The following FTCDNL1 variants were observed in gnomAD, a reference collection of about 807,000 sequenced individuals.
The protein encoded by FTCDNL1 is formiminotransferase N-terminal subdomain-containing protein.
A neutral mutation model predicts 5.9 loss-of-function variants in FTCDNL1; 11 were observed. That is an observed-to-expected ratio of 1.87 (90% CI 1.18 to 3.10). The LOEUF is 3.10. Among genes scored for constraint, FTCDNL1 ranks in the 30% most tolerant of loss-of-function variants. FTCDNL1 has a pLI of 0.00. For synonymous variants in FTCDNL1, 58 were observed against 24.8 expected (o/e 2.34, Z -3.99); for missense variants, 115 against 65.5 (o/e 1.76, Z -2.61).
At chr2:199,801,989 T>C (rs1478107549) in intron 3 of FTCDNL1, among the ~76,000 whole-genome samples, 1 of 150,228 alleles carries the variant, frequency 6.7e-6, no homozygotes, top group Non-Finnish European at 1.5e-5. Context: ...TTCCTGACAG[T>C]AACAGCAGAA....
At position 199,851,036 on chromosome 2, in the gene FTCDNL1, G is replaced by C. The variant is rs1281969490; in HGVS notation, c.-304C>G. The stretch of plus-strand genomic sequence containing the variant: ...CGGCCGAGCTCTCGAACCAGCGGCC[G>C]CGCCTGCCGCTCTGCGGTTTGGGAG... On this transcript the variant is annotated 5_prime_UTR_variant, in exon 1 of 5. Transcript: ENST00000420128. 6.6e-6 allele frequency: 1 copy of C among 151,332 alleles called. No homozygotes were observed. Among genetic ancestry groups the C allele is most frequent in the East Asian group, 1.9e-4 (1 of 5,146 alleles). 9.4% of individuals were successfully genotyped at this position (151,332 alleles called of 1,614,324 possible).
chr2:199,740,174 AT>A, the FTCDNL1 span, among the ~76,000 whole-genome samples: 1 of 152,246 alleles, frequency 6.6e-6, no homozygotes, highest in Non-Finnish European at 1.5e-5. Flanking sequence ...AACTCGGTTC[AT>A]TTTATGACTG....
chr2:199,753,026 T>A, the FTCDNL1 span, among the ~76,000 whole-genome samples: 1 of 152,074 alleles, frequency 6.6e-6, no homozygotes, highest in South Asian at 2.1e-4. Context: ...GAGACTTTCA[T>A]CCTCCAGCAG....
chr2:199,808,107 T>TA (rs1434472703), downstream of FTCDNL1, among the ~76,000 whole-genome samples: 1 of 152,170 alleles, frequency 6.6e-6, no homozygotes, highest in African/African-American at 2.4e-5. Context: ...CCATGTGACA[T>TA]AACTGCTCCC....
chr2:199,695,999 C>T, the FTCDNL1 span, among the ~76,000 whole-genome samples: 2 of 152,226 alleles, frequency 1.3e-5, no homozygotes, highest in Admixed American at 1.3e-4. Flanking sequence ...CTGCTTACAA[C>T]ACAGCCTCAG....
At chr2:199,802,587 T>C (rs1700512030) in intron 3 of FTCDNL1, among the ~76,000 whole-genome samples, 1 of 152,178 alleles carries the variant, frequency 6.6e-6, no homozygotes, top group South Asian at 2.1e-4. Context: ...CTGGTGGCAA[T>C]TTTCCTCCCT....
At chr2:199,692,881 A>T in the FTCDNL1 span, among the ~76,000 whole-genome samples, 6 of 152,236 alleles carry the variant, frequency 3.9e-5, no homozygotes, top group Admixed American at 3.9e-4. Flanking sequence ...TGTCTTTGTT[A>T]AAAACCAAAC....
chr2:199,833,054 T>A (rs911596090), intron 3 of FTCDNL1, among the ~76,000 whole-genome samples: 1 of 151,850 alleles, frequency 6.6e-6, no homozygotes. Flanking sequence ...ACTGCAGCCT[T>A]GCCTTCCAGA....
At chr2:199,752,302 C>G in the FTCDNL1 span, among the ~76,000 whole-genome samples, 1 of 152,162 alleles carries the variant, frequency 6.6e-6, no homozygotes, top group Non-Finnish European at 1.5e-5. Flanking sequence ...TTCAAAAGAA[C>G]ATTGAAACTT....
At chr2:199,814,676 TG>T (rs1701243524) in intron 4 of FTCDNL1, among the ~76,000 whole-genome samples, 1 of 152,228 alleles carries the variant, frequency 6.6e-6, no homozygotes, top group African/African-American at 2.4e-5. Context: ...ATAGGTTACA[TG>T]CTTAGTGACA....
At chr2:199,812,869 T>C (rs1701120988) in intron 4 of FTCDNL1, 145 bp from the exon 5 acceptor site, 1 of 592,488 alleles carries the variant, frequency 1.7e-6, no homozygotes, top group Admixed American at 3.1e-5. Flanking sequence ...TCAGTCGCTA[T>C]TATTTCACAG....
chr2:199,823,005 C>G (rs979638161), intron 3 of FTCDNL1, among the ~76,000 whole-genome samples: 10 of 152,076 alleles, frequency 6.6e-5, no homozygotes, highest in African/African-American at 2.4e-4. Context: ...TGTGTTCCAC[C>G]ACTCCTAGCT....
chr2:199,712,531 T>G, the FTCDNL1 span, among the ~76,000 whole-genome samples: 1 of 152,174 alleles, frequency 6.6e-6, no homozygotes, highest in African/African-American at 2.4e-5. Context: ...TTAAAAAAGG[T>G]GTAATCTCTG....
the FTCDNL1 span, among the ~76,000 whole-genome samples, chr2:199,688,352 C>G: frequency 1.3e-5 from 2 of 152,038 alleles, no homozygotes; most frequent in African/African-American, 4.8e-5. Context: ...GATCTGTAAA[C>G]CAAAAACATC....
chr2:199,730,363 C>T, the FTCDNL1 span, among the ~76,000 whole-genome samples: 7 of 152,136 alleles, frequency 4.6e-5, no homozygotes, highest in African/African-American at 1.7e-4. Flanking sequence ...AACTATAGAG[C>T]TTCTGCACAG....
chr2:199,726,673 T>TGTGGTCTGCTG, the FTCDNL1 span, among the ~76,000 whole-genome samples: 183 of 152,274 alleles, frequency 1.2e-3, 1 homozygote, highest in African/African-American at 4.2e-3. Flanking sequence ...ATAGGGCTGC[T>TGTGGTCTGCTG]GTGGTCTGCT....
At chr2:199,705,271 A>G in the FTCDNL1 span, among the ~76,000 whole-genome samples, 1 of 152,218 alleles carries the variant, frequency 6.6e-6, no homozygotes, top group African/African-American at 2.4e-5. Context: ...GGGCTGAGAT[A>G]GTACTGGAAC....
chr2:199,722,574 T>A, the FTCDNL1 span, among the ~76,000 whole-genome samples: 1 of 152,208 alleles, frequency 6.6e-6, no homozygotes, highest in Non-Finnish European at 1.5e-5. Flanking sequence ...CCAGCTTTGT[T>A]CTTTTTGCTT....
chr2:199,850,309 T>C (rs1262565511), intron 1 of FTCDNL1, among the ~76,000 whole-genome samples: 1 of 152,188 alleles, frequency 6.6e-6, no homozygotes, highest in Admixed American at 6.5e-5. Context: ...CGTCTTCTGG[T>C]TTTCATTTGT....
Sources: allele counts gnomAD v4.1 joint callset (sites outside exome capture counted in the v4.1 genomes callset), GRCh38; gene constraint gnomAD v4.1.1; transcripts MANE v1.5; gene names NCBI Gene and HGNC (gene_info 2026-07-23, HGNC 2026-07-21).